CDH23: variants seen among roughly 807,000 people sequenced by gnomAD.
The protein encoded by CDH23 is cadherin related 23.
CDH23 carries 189 observed loss-of-function variants against 317.1 expected under a neutral mutation model. That is an observed-to-expected ratio of 0.60 (90% CI 0.53 to 0.67). The LOEUF (loss-of-function observed/expected upper bound fraction) is 0.67. CDH23 is among the 30% of genes least tolerant of loss of function. CDH23 has a pLI of 0.00. For missense variants in CDH23, 4,401 were observed against 4,592.4 expected (o/e 0.96, Z 1.20); for synonymous variants, 1,839 against 1,876.8 (o/e 0.98, Z 0.52).
At position 71,397,357 on chromosome 10, in the gene CDH23, C is replaced by G. The variant is rs1388524754; in HGVS notation, c.-6+39C>G. On this transcript the variant is annotated intron_variant, in intron 1 of 69. Transcript: ENST00000224721. The surrounding 1 kb of genome is among the most constrained non-coding windows in gnomAD (Gnocchi z 4.8). ...CGCACCGCCTCTTCCCTCCTCGCTT[C>G]CCTCTCCTTCCCCTCGCCGTTCGCC... 1.3e-5 allele frequency: 2 copies of G among 152,774 alleles called. No homozygotes were observed. Among genetic ancestry groups the G allele is most frequent in the Admixed American group, 6.6e-5 (1 of 15,230 alleles). The allele number at this position is 152,774 out of a possible 1,614,324, so 9.5% of individuals were successfully genotyped here.
chr10:71,693,529 T>G (rs1450099879), intron 20 of CDH23, among the ~76,000 whole-genome samples: 1 of 152,256 alleles, frequency 6.6e-6, no homozygotes, highest in Non-Finnish European at 1.5e-5. Context: ...TTGGATAGGT[T>G]GAACTGTCCA....
At chr10:71,737,853 G>A (rs779858461) in intron 34 of CDH23, 22 of 458,290 alleles carry the variant, frequency 4.8e-5, no homozygotes, top group South Asian at 2.8e-4. Flanking sequence ...ATGCTCTTGC[G>A]TGCCATTTGT....
At chr10:71,428,139 CTTTTTT>C (rs112105182) in intron 1 of CDH23, among the ~76,000 whole-genome samples, 1 of 131,536 alleles carries the variant, frequency 7.6e-6, no homozygotes, top group African/African-American at 3.0e-5. Context: ...TTCTTTCTTT[CTTTTTT>C]TTTTTTTTTT....
chr10:71,447,197 G>A (rs1850212926), intron 3 of CDH23, among the ~76,000 whole-genome samples: 1 of 152,210 alleles, frequency 6.6e-6, no homozygotes, highest in Non-Finnish European at 1.5e-5. Flanking sequence ...GTGCATCAGG[G>A]GTCAGCATGG....
At chr10:71,575,436 G>T (rs1463752184) in intron 8 of CDH23, among the ~76,000 whole-genome samples, 1 of 152,198 alleles carries the variant, frequency 6.6e-6, no homozygotes, top group Admixed American at 6.5e-5. Context: ...GCAGAAAGAG[G>T]TTATAAGTAA....
intron 19 of CDH23, 54 bp from the exon 20 acceptor site, chr10:71,690,414 G>A (rs998220651): frequency 7.2e-7 from 1 of 1,390,778 alleles, no homozygotes; most frequent in Non-Finnish European, 9.9e-7. Flanking sequence ...GGGCCTTGAA[G>A]CCAGGGGCCC....
At chr10:71,658,730 C>G (rs1293914503) in intron 14 of CDH23, among the ~76,000 whole-genome samples, 3 of 152,132 alleles carry the variant, frequency 2.0e-5, no homozygotes, top group Non-Finnish European at 1.5e-5. Context: ...TGTCCCAGGC[C>G]AGCCAGTTAG....
chr10:71,571,814 T>C (rs1285077367), intron 8 of CDH23, among the ~76,000 whole-genome samples: 1 of 152,246 alleles, frequency 6.6e-6, no homozygotes, highest in Non-Finnish European at 1.5e-5. Context: ...AGGACTCAGC[T>C]TTGGGAGCAA....
chr10:71,745,510 C>T (rs533030588), intron 38 of CDH23, among the ~76,000 whole-genome samples: 99 of 152,242 alleles, frequency 6.5e-4, no homozygotes, highest in Middle Eastern at 3.4e-3. Context: ...TTCTCAAGAC[C>T]CCCCCTCTAC....
chr10:71,484,896 C>T (rs1852260339), intron 3 of CDH23, among the ~76,000 whole-genome samples: 1 of 151,922 alleles, frequency 6.6e-6, no homozygotes, highest in Admixed American at 6.5e-5. Context: ...AACTTACATA[C>T]AAGTTCATGT....
At chr10:71,543,096 C>T (rs893601699) in intron 6 of CDH23, among the ~76,000 whole-genome samples, 5 of 152,226 alleles carry the variant, frequency 3.3e-5, no homozygotes, top group African/African-American at 1.2e-4. Flanking sequence ...CCCGAATGCA[C>T]AGACTTATGA....
intron 3 of CDH23, among the ~76,000 whole-genome samples, chr10:71,506,656 C>G (rs1363026739): frequency 6.6e-6 from 1 of 151,846 alleles, no homozygotes; most frequent in African/African-American, 2.4e-5. Flanking sequence ...GCCTTGCTTC[C>G]CGGAGAAGCC....
intron 45 of CDH23, 133 bp from the exon 46 acceptor site, chr10:71,790,155 C>T (rs1242408749): frequency 5.5e-6 from 7 of 1,274,172 alleles, no homozygotes; most frequent in African/African-American, 3.0e-5. Flanking sequence ...CCCCCAGGGC[C>T]TCCCCACCCT....
chr10:71,596,797 G>T (rs1447587319), intron 9 of CDH23, among the ~76,000 whole-genome samples: 1 of 152,140 alleles, frequency 6.6e-6, no homozygotes, highest in East Asian at 1.9e-4. Flanking sequence ...GGGCAGGGGG[G>T]AGCACGTAGG....
At chr10:71,537,109 C>A (rs1564639392) in intron 6 of CDH23, among the ~76,000 whole-genome samples, 1 of 152,108 alleles carries the variant, frequency 6.6e-6, no homozygotes, top group Non-Finnish European at 1.5e-5. Context: ...ATTTTCCCAA[C>A]CTTCATGGGC....
intron 1 of CDH23, among the ~76,000 whole-genome samples, chr10:71,431,298 C>T (rs1158236601): frequency 1.3e-5 from 2 of 152,300 alleles, no homozygotes; most frequent in Non-Finnish European, 2.9e-5. Context: ...GGTCTCAGGT[C>T]GTGCCCTGCC....
intron 44 of CDH23, among the ~76,000 whole-genome samples, chr10:71,786,872 AGGGCCCC>A (rs1841121457): frequency 6.6e-6 from 1 of 151,416 alleles, no homozygotes. Context: ...TGGCTTCAGG[AGGGCCCC>A]GGGTAAAAGC....
At chr10:71,797,308 A>G (rs536574173) in intron 49 of CDH23, 88 bp downstream of exon 49, 2 of 894,794 alleles carry the variant, frequency 2.2e-6, no homozygotes, top group Non-Finnish European at 3.5e-6. Context: ...GTCTGTCCCC[A>G]GGGAGGGAGC....
At chr10:71,568,436 G>A (rs555306832) in intron 7 of CDH23, among the ~76,000 whole-genome samples, 5 of 152,330 alleles carry the variant, frequency 3.3e-5, no homozygotes, top group South Asian at 4.1e-4. Context: ...GCTTTGGACC[G>A]TGGGGAATAG....
Sources: allele counts gnomAD v4.1 joint callset (sites outside exome capture counted in the v4.1 genomes callset), GRCh38; gene constraint gnomAD v4.1.1; non-coding constraint Gnocchi (gnomAD v3.1); transcripts MANE v1.5; gene names NCBI Gene and HGNC (gene_info 2026-07-23, HGNC 2026-07-21).